TASP1: variants seen among roughly 807,000 people sequenced by gnomAD.
TASP1 encodes threonine aspartase 1.
Under a neutral mutation model 56.6 loss-of-function variants are expected in TASP1, and 16 were observed. The ratio of observed to expected loss-of-function variants is 0.28; its 90% CI spans 0.19 to 0.43. The LOEUF is 0.43. Among genes scored for constraint, TASP1 ranks in the 20% least tolerant of loss-of-function variants. TASP1 has a pLI of 1.00. For synonymous variants in TASP1, 179 were observed against 184.2 expected, an observed-to-expected ratio of 0.97 and a Z score of 0.23; for missense variants, 393 against 511.6, an observed-to-expected ratio of 0.77 and a Z score of 2.24.
At chr20:13,500,149 T>C (rs2043891362) in intron 10 of TASP1, among the ~76,000 whole-genome samples, 2 of 151,170 alleles carry the variant, frequency 1.3e-5, no homozygotes, top group Non-Finnish European at 2.9e-5. Flanking sequence ...AATACATATA[T>C]AAATGTTTTA....
At chr20:13,391,679 G>T (rs1260827845) in intron 13 of TASP1, among the ~76,000 whole-genome samples, 1 of 152,116 alleles carries the variant, frequency 6.6e-6, no homozygotes, top group Non-Finnish European at 1.5e-5. Context: ...TGAAAGAAGT[G>T]AGCTTAGGCC....
chr20:13,245,953 A>T, the TASP1 span, among the ~76,000 whole-genome samples: 1 of 152,294 alleles, frequency 6.6e-6, no homozygotes, highest in Non-Finnish European at 1.5e-5. Flanking sequence ...CCGGTTGCAA[A>T]AATTCTGGAC....
the TASP1 span, among the ~76,000 whole-genome samples, chr20:13,333,318 CAG>C: frequency 6.6e-6 from 1 of 152,172 alleles, no homozygotes; most frequent in East Asian, 1.9e-4. Flanking sequence ...AACTACTTGA[CAG>C]GGGAGGAGAG....
rs139571715 is a variant in TASP1, at chr20:13,484,840, T to G, written c.875-1503A>C. ...TTCATGTCCTTTGCAGGGACGTGGATGAAGCTGGAAACCATCATTCTCAGC... is the reference window on the plus strand; with the variant it reads ...TTCATGTCCTTTGCAGGGACGTGGAGGAAGCTGGAAACCATCATTCTCAGC... On this transcript the variant is annotated intron_variant, in intron 10 of 13. Coordinates refer to ENST00000337743, the MANE Select transcript of TASP1 (RefSeq NM_017714.3). Among the ~76,000 whole-genome samples the G allele has an allele frequency of 1.2e-3, 183 of 151,828 alleles. 7 individuals carry two copies. The East Asian group carries it at 0.034, about 28-fold the overall frequency.
chr20:13,286,840 G>T, the TASP1 span, among the ~76,000 whole-genome samples: 12 of 152,164 alleles, frequency 7.9e-5, no homozygotes, highest in Non-Finnish European at 1.6e-4. Flanking sequence ...AATAACAATC[G>T]CCACGACCTG....
intron 11 of TASP1, among the ~76,000 whole-genome samples, chr20:13,467,094 T>C (rs1349027800): frequency 6.6e-6 from 1 of 152,046 alleles, no homozygotes; most frequent in Non-Finnish European, 1.5e-5. Flanking sequence ...ACAATGAAGA[T>C]TTATATATGC....
chr20:13,274,193 T>A, the TASP1 span, among the ~76,000 whole-genome samples: 1 of 152,108 alleles, frequency 6.6e-6, no homozygotes, highest in Non-Finnish European at 1.5e-5. Flanking sequence ...CTTTAAAACA[T>A]GAGGTGCTTT....
the TASP1 span, among the ~76,000 whole-genome samples, chr20:13,311,763 G>C: frequency 1.3e-5 from 2 of 152,280 alleles, no homozygotes; most frequent in African/African-American, 4.8e-5. Flanking sequence ...AGAGTAGAAT[G>C]GTAGTAACCA....
At chr20:13,204,642 C>A in the TASP1 span, among the ~76,000 whole-genome samples, 1 of 151,944 alleles carries the variant, frequency 6.6e-6, no homozygotes, top group Non-Finnish European at 1.5e-5. Flanking sequence ...TGGGTTCAAG[C>A]AACTCTCATG....
At chr20:13,130,321 G>T in the TASP1 span, among the ~76,000 whole-genome samples, 2 of 152,226 alleles carry the variant, frequency 1.3e-5, no homozygotes. Context: ...ATCTGAGAAA[G>T]AGAAGCCGGG....
the TASP1 span, among the ~76,000 whole-genome samples, chr20:13,148,838 C>T: frequency 1.1e-4 from 16 of 152,326 alleles, no homozygotes; most frequent in African/African-American, 3.4e-4. Flanking sequence ...TGAGGTGGCA[C>T]TGAGGCTGCA....
At chr20:13,348,509 G>T in the TASP1 span, among the ~76,000 whole-genome samples, 4 of 152,292 alleles carry the variant, frequency 2.6e-5, no homozygotes, top group Admixed American at 2.0e-4. Flanking sequence ...TATTAAAAAA[G>T]AAACTTAGCA....
At chr20:13,588,424 A>G (rs893209254) in intron 4 of TASP1, among the ~76,000 whole-genome samples, 1 of 152,158 alleles carries the variant, frequency 6.6e-6, no homozygotes, top group African/African-American at 2.4e-5. Context: ...TGTATGTAGA[A>G]AATCCTAAAG....
the TASP1 span, chr20:13,110,295 T>C: frequency 9.3e-6 from 11 of 1,181,976 alleles, no homozygotes; most frequent in South Asian, 1.4e-5. Context: ...TCACCTTTCC[T>C]AGCTAAACAG....
At chr20:13,219,908 C>G in the TASP1 span, among the ~76,000 whole-genome samples, 1 of 152,214 alleles carries the variant, frequency 6.6e-6, no homozygotes, top group African/African-American at 2.4e-5. Context: ...AATTAAGAAT[C>G]TTAAATCTTT....
chr20:13,225,694 A>G, the TASP1 span, among the ~76,000 whole-genome samples: 1 of 152,216 alleles, frequency 6.6e-6, no homozygotes, highest in Non-Finnish European at 1.5e-5. Context: ...CAGTATTTTT[A>G]AAATATCTAG....
the TASP1 span, among the ~76,000 whole-genome samples, chr20:13,171,457 A>G: frequency 6.6e-6 from 1 of 152,232 alleles, no homozygotes; most frequent in Non-Finnish European, 1.5e-5. Context: ...TAAGCGATGT[A>G]TTAATGAGAC....
the TASP1 span, among the ~76,000 whole-genome samples, chr20:13,153,444 C>A: frequency 6.6e-6 from 1 of 152,118 alleles, no homozygotes; most frequent in Admixed American, 6.5e-5. Context: ...TAGTCTACCA[C>A]CAAATGCCTC....
chr20:13,395,104 A>G (rs1201625937), intron 13 of TASP1, among the ~76,000 whole-genome samples: 1 of 152,218 alleles, frequency 6.6e-6, no homozygotes, highest in Non-Finnish European at 1.5e-5. Context: ...AAAACTGCAC[A>G]CAACTTAATT....
Sources: gnomAD v4.1 joint callset for allele counts (sites outside exome capture counted in the v4.1 genomes callset) on GRCh38, gnomAD v4.1.1 for gene constraint, MANE v1.5 for transcripts, NCBI Gene and HGNC (gene_info 2026-07-23, HGNC 2026-07-21) for gene names.